The following FLT3 variants were observed in gnomAD, a reference collection of about 807,000 sequenced individuals.
FLT3 encodes the protein fms related receptor tyrosine kinase 3, also known as receptor-type tyrosine-protein kinase FLT3.
In FLT3, 46 loss-of-function variants were observed where a neutral mutation model predicts 126.6. That is an observed-to-expected ratio of 0.36 (90% CI 0.29 to 0.46). The LOEUF (loss-of-function observed/expected upper bound fraction) is 0.46, where lower values mean the gene tolerates loss of function less well. Among genes scored for constraint, FLT3 ranks in the 20% least tolerant of loss-of-function variants. The pLI is 1.00. For missense variants in FLT3, 1,069 were observed against 1,190.3 expected, an observed-to-expected ratio of 0.90 and a Z score of 1.50; for synonymous variants, 404 against 434.4, an observed-to-expected ratio of 0.93 and a Z score of 0.87.
intron 9 of FLT3, among the ~76,000 whole-genome samples, chr13:28,045,767 A>C (rs1360894022): frequency 6.6e-6 from 1 of 151,724 alleles, no homozygotes. Context: ...AGGCTGAGGC[A>C]GGAGAATTGC....
chr13:28,044,036 T>C (rs1271520118), intron 9 of FLT3, among the ~76,000 whole-genome samples: 5 of 145,852 alleles, frequency 3.4e-5, no homozygotes, highest in Admixed American at 2.0e-4. Flanking sequence ...CTTACTCACC[T>C]CCACCGAGAG....
At chr13:28,085,228 C>T (rs1438811226) in intron 1 of FLT3, among the ~76,000 whole-genome samples, 3 of 150,734 alleles carry the variant, frequency 2.0e-5, no homozygotes, top group Non-Finnish European at 2.9e-5. Context: ...CCTATAGTTC[C>T]AGCTACTCGG....
chr13:28,031,684 G>A (rs1566069114), intron 15 of FLT3, among the ~76,000 whole-genome samples: 1 of 152,172 alleles, frequency 6.6e-6, no homozygotes, highest in Non-Finnish European at 1.5e-5. Context: ...TTACATGAAA[G>A]GGGAAGGGGA....
At chr13:28,047,537 CCT>C (rs1874995531) in intron 9 of FLT3, among the ~76,000 whole-genome samples, 1 of 151,662 alleles carries the variant, frequency 6.6e-6, no homozygotes. Context: ...ATGGCAAAAC[CCT>C]GTCTCTACCA....
intron 2 of FLT3, among the ~76,000 whole-genome samples, chr13:28,069,263 T>C (rs1877294947): frequency 6.6e-6 from 1 of 152,116 alleles, no homozygotes. Context: ...GCAGTGAGAC[T>C]AGAGAATATG....
intron 10 of FLT3, 23 bp from the exon 11 acceptor site, chr13:28,036,066 T>C: frequency 6.3e-7 from 1 of 1,586,180 alleles, no homozygotes; most frequent in Non-Finnish European, 8.7e-7. Context: ...ACGTGTGAAA[T>C]AAGCTCACTG....
intron 9 of FLT3, among the ~76,000 whole-genome samples, chr13:28,042,157 A>ATAT (rs2137703134): frequency 8.2e-6 from 1 of 121,564 alleles, no homozygotes; most frequent in South Asian, 2.9e-4. Flanking sequence ...AATAATAATA[A>ATAT]TAATAATAAT....
intron 1 of FLT3, among the ~76,000 whole-genome samples, chr13:28,091,321 A>C (rs1473501207): frequency 5.3e-5 from 7 of 133,148 alleles, no homozygotes; most frequent in Admixed American, 8.7e-5. Context: ...TCCCGGGTTC[A>C]CGCCATTCTC....
In FLT3 at chr13:28,003,724, G is replaced by T; in HGVS notation, c.*328C>A. On this transcript the variant is annotated 3_prime_UTR_variant, in exon 24 of 24. Transcript: ENST00000241453. ...AAAAAATCATATTAGCTTCTCCTTA[G>T]CAAAATGCTTTTGTTTTATGTATTT... 1 of 284,718 alleles carries T rather than the reference G, an allele frequency of 3.5e-6. No individual in the cohort carries two copies. 17.6% of individuals were successfully genotyped at this position (284,718 alleles called of 1,614,324 possible). A position where few individuals can be genotyped will look rare whatever the true frequency, so the allele number is the denominator to read the frequency against.
chr13:28,100,403 G>T lies in FLT3; in HGVS notation c.43+65C>A, dbSNP rs1879749715. 8.8e-7 allele frequency: 1 copy of T among 1,130,802 alleles called. No individual in the cohort carries two copies. Among genetic ancestry groups the T allele is most frequent in the Non-Finnish European group, 1.1e-6 (1 of 900,234 alleles). 70.0% of individuals were successfully genotyped at this position (1,130,802 alleles called of 1,614,324 possible). On this transcript the variant is annotated intron_variant, in intron 1 of 23. Coordinates refer to ENST00000241453, the MANE Select transcript of FLT3 (RefSeq NM_004119.3). The surrounding 1 kb of genome is among the most constrained non-coding windows in gnomAD (Gnocchi z 4.8). The stretch of plus-strand genomic sequence containing the variant: ...TGGGCCGGAGGAGGCGCGCGCCCGG[G>T]TCCACACTGCGGGGTGGGGGCTGAG...
chr13:28,088,980 G>A (rs892255741), intron 1 of FLT3, among the ~76,000 whole-genome samples: 1 of 152,076 alleles, frequency 6.6e-6, no homozygotes, highest in African/African-American at 2.4e-5. Context: ...AATATGCAAA[G>A]AACCCTTAAA....
chr13:28,017,917 GC>G (rs1235698765), intron 20 of FLT3, among the ~76,000 whole-genome samples: 1 of 151,878 alleles, frequency 6.6e-6, no homozygotes, highest in Non-Finnish European at 1.5e-5. Flanking sequence ...GCCCTCCTCG[GC>G]CTCCCAAAGT....
At chr13:28,097,906 A>C (rs1879569339) in intron 1 of FLT3, among the ~76,000 whole-genome samples, 1 of 152,198 alleles carries the variant, frequency 6.6e-6, no homozygotes, top group Non-Finnish European at 1.5e-5. Context: ...AAAATATTGA[A>C]ATACTTCTCT....
At chr13:28,011,465 A>G (rs1381584563) in intron 23 of FLT3, among the ~76,000 whole-genome samples, 3 of 152,146 alleles carry the variant, frequency 2.0e-5, no homozygotes, top group African/African-American at 7.2e-5. Context: ...AGGATTCTGC[A>G]GAGTGGGCAG....
At chr13:28,037,592 T>C (rs1267969991) in intron 9 of FLT3, among the ~76,000 whole-genome samples, 1 of 152,134 alleles carries the variant, frequency 6.6e-6, no homozygotes, top group African/African-American at 2.4e-5. Flanking sequence ...ATATGCCCAT[T>C]GGGAGTTGGG....
At position 28,052,083 on chromosome 13, in the gene FLT3, AT is replaced by A. The variant is rs202017475; in HGVS notation, c.614+461del. ...CCATTCTGTATTACTTATTTATTTT[AT>A]TTTTTTAATTTTATTTATTTATTTT... On this transcript the variant is annotated intron_variant, in intron 5 of 23. Transcript: ENST00000241453. Among the ~76,000 whole-genome samples the A allele has an allele frequency of 8.5e-3, 1,286 of 151,510 alleles. 42 individuals carry two copies. Among genetic ancestry groups the A allele is most frequent in the African/African-American group, 0.03 (1,230 of 41,042 alleles).
intron 9 of FLT3, among the ~76,000 whole-genome samples, chr13:28,039,044 C>A (rs935822559): frequency 6.6e-6 from 1 of 151,790 alleles, no homozygotes; most frequent in Non-Finnish European, 1.5e-5. Flanking sequence ...TGGAGCCTCA[C>A]GGATGAGTTG....
chr13:28,008,335 G>C (rs947298229), intron 23 of FLT3, among the ~76,000 whole-genome samples: 6 of 138,094 alleles, frequency 4.3e-5, no homozygotes, highest in African/African-American at 1.6e-4. Context: ...ATTTTTCTTT[G>C]TTTTCTAATA....
chr13:28,079,619 T>G (rs543727681), intron 1 of FLT3, among the ~76,000 whole-genome samples: 3 of 152,266 alleles, frequency 2.0e-5, no homozygotes, highest in Admixed American at 6.5e-5. Flanking sequence ...GGCTTCAAAA[T>G]CATGGTGGGA....
Sources: allele counts gnomAD v4.1 joint callset (sites outside exome capture counted in the v4.1 genomes callset), GRCh38; gene constraint gnomAD v4.1.1; non-coding constraint Gnocchi (gnomAD v3.1); transcripts MANE v1.5; gene names NCBI Gene and HGNC (gene_info 2026-07-23, HGNC 2026-07-21).